Variants in CRYL1 observed in about 807,000 individuals in gnomAD.
The protein encoded by CRYL1 is crystallin lambda 1.
CRYL1 carries 29 observed loss-of-function variants against 36.6 expected under a neutral mutation model. The ratio of observed to expected loss-of-function variants is 0.79; its 90% CI spans 0.59 to 1.08. The LOEUF (loss-of-function observed/expected upper bound fraction) is 1.08, where lower values mean the gene tolerates loss of function less well. CRYL1 is among the 50% of genes least tolerant of loss of function. The pLI is 0.00. For missense variants in CRYL1, 411 were observed against 407.9 expected (o/e 1.01, Z -0.06); for synonymous variants, 152 against 151.5 (o/e 1.00, Z -0.02).
rs111486479 is a variant in CRYL1, at chr13:20,514,173, G to A, written c.42-1623C>T. Among the ~76,000 whole-genome samples the A allele has an allele frequency of 5.2e-3, 795 of 152,314 alleles. 5 individuals carry two copies. Among genetic ancestry groups the A allele is most frequent in the African/African-American group, 0.018 (753 of 41,572 alleles). On this transcript the variant is annotated intron_variant, in intron 1 of 7. Transcript: ENST00000298248. ...TCACCCCCACTTCCGTGTGCAGAGT[G>A]ACCTCCTTCCAAAAAGCACAGTATG...
At chr13:20,492,305 G>T (rs1040570021) in intron 2 of CRYL1, among the ~76,000 whole-genome samples, 2 of 152,168 alleles carry the variant, frequency 1.3e-5, no homozygotes, top group African/African-American at 4.8e-5. Context: ...TGAGTCAATT[G>T]TATGACATGT....
At position 20,525,550 on chromosome 13, in the gene CRYL1, C is replaced by T. The variant is rs1029005358; in HGVS notation, c.41+204G>A. 2.0e-5 allele frequency among the ~76,000 whole-genome samples: 3 copies of T among 152,068 alleles called. No individual in the cohort carries two copies. Among genetic ancestry groups the T allele is most frequent in the Non-Finnish European group, 1.5e-5 (1 of 67,988 alleles). On this transcript the variant is annotated intron_variant, in intron 1 of 7. Coordinates refer to ENST00000298248, the MANE Select transcript of CRYL1 (RefSeq NM_015974.3). This position sits in a 1 kb window ranked among gnomAD's most constrained non-coding sequence, Gnocchi z 4.3. ...GAAGCAGACCCAACTCCGCGGGGCG[C>T]CTCCACCTGCCAAGCCCCTCCAGCC... is the stretch of plus-strand genomic sequence containing the variant.
At chr13:20,482,741 G>GTGTGTC in intron 3 of CRYL1, among the ~76,000 whole-genome samples, 1 of 151,062 alleles carries the variant, frequency 6.6e-6, no homozygotes, top group Middle Eastern at 3.4e-3. Flanking sequence ...CAAGCAGTCT[G>GTGTGTC]TGTGTGTGTG....
At chr13:20,430,309 A>G (rs1350442807) in intron 5 of CRYL1, 1 of 985,264 alleles carries the variant, frequency 1.0e-6, no homozygotes, top group East Asian at 1.1e-4. Context: ...ATCCTGCTAG[A>G]TTTTGGCACT....
At chr13:20,430,409 C>T in intron 5 of CRYL1, 2 of 985,360 alleles carry the variant, frequency 2.0e-6, no homozygotes, top group South Asian at 4.7e-5. Context: ...AGGTATGTCA[C>T]CACAGAAAGC....
At chr13:20,509,616 A>C (rs1215325374) in intron 2 of CRYL1, among the ~76,000 whole-genome samples, 1 of 152,204 alleles carries the variant, frequency 6.6e-6, no homozygotes, top group Non-Finnish European at 1.5e-5. Flanking sequence ...TCATCAGAGA[A>C]ATGCAAGTCA....
intron 5 of CRYL1, among the ~76,000 whole-genome samples, chr13:20,422,798 C>G (rs1040115600): frequency 6.6e-6 from 1 of 152,190 alleles, no homozygotes; most frequent in Non-Finnish European, 1.5e-5. Flanking sequence ...TCTTTCCAAA[C>G]AAAGGGCCAC....
chr13:20,422,033 T>C (rs2031829602), intron 5 of CRYL1, among the ~76,000 whole-genome samples: 1 of 152,010 alleles, frequency 6.6e-6, no homozygotes, highest in Admixed American at 6.6e-5. Context: ...AAAAATAGTC[T>C]ACTTCTTATG....
At chr13:20,413,901 G>A (rs537633747) in intron 5 of CRYL1, among the ~76,000 whole-genome samples, 12 of 152,238 alleles carry the variant, frequency 7.9e-5, no homozygotes, top group South Asian at 6.2e-4. Flanking sequence ...ATGGCTTGGC[G>A]TGGTGGCTCA....
chr13:20,426,389 G>A (rs908345579), intron 5 of CRYL1, among the ~76,000 whole-genome samples: 2 of 151,778 alleles, frequency 1.3e-5, no homozygotes, highest in Non-Finnish European at 2.9e-5. Flanking sequence ...GACTGTAGAC[G>A]TGTGCCACCT....
chr13:20,504,028 A>G (rs2033749584), intron 2 of CRYL1, among the ~76,000 whole-genome samples: 1 of 152,132 alleles, frequency 6.6e-6, no homozygotes, highest in Non-Finnish European at 1.5e-5. Context: ...AGAAACCAAG[A>G]TCGAAGCGTA....
At position 20,403,962 on chromosome 13, in the gene CRYL1, T is replaced by C. The variant is rs534667500; in HGVS notation, c.*167A>G. The C allele has an allele frequency of 2.7e-4, 139 of 518,646 alleles. No homozygotes were observed. The Middle Eastern group carries it at 3.6e-3, about 13-fold the overall frequency. The allele number at this position is 518,646 out of a possible 1,614,324, so 32.1% of individuals were successfully genotyped here. A position where few individuals can be genotyped will look rare whatever the true frequency, so the allele number is the denominator to read the frequency against. ...CCAGGCCCAGGGCTATGATCCAAAG[T>C]GACGGGCAGACTACCGGCCTGCACC... On this transcript the variant is annotated 3_prime_UTR_variant, in exon 8 of 8. Transcript: ENST00000298248.
At chr13:20,478,921 A>ATT (rs34898995) in intron 3 of CRYL1, among the ~76,000 whole-genome samples, 1 of 145,778 alleles carries the variant, frequency 6.9e-6, no homozygotes, top group African/African-American at 2.5e-5. Flanking sequence ...AGCCCAGCTA[A>ATT]TTTTTTTTTT....
rs111453215 is a variant in CRYL1 at position 20,502,973 on chromosome 13, C to T, written c.149+9470G>A. On this transcript the variant is annotated intron_variant, in intron 2 of 7. Transcript: ENST00000298248. ...AATGTGCATTGGTCTAGATGCACAG[C>T]ACACAGGATCATGCCGGAAGCACGC... Among the ~76,000 whole-genome samples, 606 of 152,222 alleles carry T rather than the reference C, an allele frequency of 4.0e-3. 6 individuals carry two copies. The highest frequency in any genetic ancestry group is 0.014 in the African/African-American group (579 of 41,506).
intron 5 of CRYL1, among the ~76,000 whole-genome samples, chr13:20,421,828 C>T (rs1358103130): frequency 6.6e-6 from 1 of 151,116 alleles, no homozygotes; most frequent in Non-Finnish European, 1.5e-5. Flanking sequence ...AGTTAGAATA[C>T]TAACATAGAA....
rs1256269468 is a variant in CRYL1, at chr13:20,450,573, G to A, written c.277-10819C>T. Among the ~76,000 whole-genome samples, 5 of 152,316 alleles carry A rather than the reference G, an allele frequency of 3.3e-5. No homozygotes were observed. The South Asian group carries it at 8.3e-4, about 25-fold the overall frequency. ...AAGTCAGGAAACAACAGGTGCTGGA[G>A]AGGATGTGGGGAAATAGGAACACTT... On this transcript the variant is annotated intron_variant, in intron 3 of 7. Transcript: ENST00000298248.
At chr13:20,502,184 C>A (rs921369789) in intron 2 of CRYL1, among the ~76,000 whole-genome samples, 29 of 152,304 alleles carry the variant, frequency 1.9e-4, no homozygotes, top group African/African-American at 6.5e-4. Context: ...ACCCAGCCCC[C>A]TTAGACTTCG....
chr13:20,431,707 G>T lies in CRYL1; in HGVS notation c.633+395C>A, dbSNP rs1167039834. ...TTGAAACAATTAGGTTCCTTCAGGAGACAGAAGTTTACACAAAATATAATT... is the reference window on the plus strand; with the variant it reads ...TTGAAACAATTAGGTTCCTTCAGGATACAGAAGTTTACACAAAATATAATT... On this transcript the variant is annotated intron_variant, in intron 5 of 7. Coordinates refer to ENST00000298248, the MANE Select transcript of CRYL1 (RefSeq NM_015974.3). 1.5e-5 allele frequency: 17 copies of T among 1,146,636 alleles called. No homozygotes were observed. In the African/African-American group the frequency reaches 2.3e-4, roughly 15 times the overall value. 71.0% of individuals were successfully genotyped at this position (1,146,636 alleles called of 1,614,324 possible).
intron 2 of CRYL1, among the ~76,000 whole-genome samples, chr13:20,491,620 G>A (rs754332744): frequency 2.0e-5 from 3 of 152,040 alleles, no homozygotes; most frequent in Admixed American, 6.6e-5. Context: ...GTGAAACCTC[G>A]TCTCTACAAA....
Sources: gnomAD v4.1 joint callset for allele counts (sites outside exome capture counted in the v4.1 genomes callset) on GRCh38, gnomAD v4.1.1 for gene constraint, Gnocchi (gnomAD v3.1) non-coding constraint, MANE v1.5 for transcripts, NCBI Gene and HGNC (gene_info 2026-07-23, HGNC 2026-07-21) for gene names.